The following BCOR variants were observed in gnomAD, a reference collection of about 807,000 sequenced individuals.
BCOR encodes BCL6 corepressor, also known as BCL-6 corepressor.
In BCOR, 10 loss-of-function variants were observed where a neutral mutation model predicts 86.7. The ratio of observed to expected loss-of-function variants is 0.12; its 90% CI spans 0.07 to 0.20. The LOEUF is 0.20. Among genes scored for constraint, BCOR ranks in the 10% least tolerant of loss-of-function variants. The probability of loss-of-function intolerance (pLI) is 1.00; values close to 1 mark genes in which losing one functional copy is unlikely to be tolerated. For synonymous variants in BCOR, 611 were observed against 609.0 expected, an observed-to-expected ratio of 1.00 and a Z score of -0.05; for missense variants, 1,259 against 1,452.1, an observed-to-expected ratio of 0.87 and a Z score of 2.16.
At chrX:40,161,809 A>G (rs1398899069) in intron 1 of BCOR, among the ~76,000 whole-genome samples, 5 of 112,140 alleles carry the variant, frequency 4.5e-5, no homozygotes, top group Non-Finnish European at 9.4e-5. Context: ...CACCGCGCCT[A>G]GCCCTGTTAG....
intron 1 of BCOR, among the ~76,000 whole-genome samples, chrX:40,137,109 C>T (rs751548623): frequency 8.9e-5 from 10 of 112,649 alleles, no homozygotes; most frequent in Non-Finnish European, 1.9e-4. Context: ...CAAGAGCTGT[C>T]AGAATGTTTG....
At chrX:40,106,586 A>G (rs1937191916) in intron 1 of BCOR, among the ~76,000 whole-genome samples, 1 of 101,740 alleles carries the variant, frequency 9.8e-6, no homozygotes, top group African/African-American at 3.7e-5. Flanking sequence ...CCCGCCTCGC[A>G]CTTCCTCCCG....
Position 40,062,865 on chromosome X carries a change from C to T in BCOR, c.4054G>A (p.Asp1352Asn), listed in dbSNP as rs768842901. 2.1e-5 allele frequency: 26 copies of T among 1,209,868 alleles called. No homozygotes were observed. The highest frequency in any genetic ancestry group is 2.3e-4 in the Middle Eastern group (1 of 4,375). Reference sequence around the variant, plus strand: ...TTCCCGGATGGCTTCTCGCTGTTGTCGGTGTATTTCTGCAGCAGGGAGGCA... The same window carrying T: ...TTCCCGGATGGCTTCTCGCTGTTGTTGGTGTATTTCTGCAGCAGGGAGGCA... ...QAASLLQKYTDNSEKPSGKRL... is the reference protein window; with the variant it reads ...QAASLLQKYTNNSEKPSGKRL... Residue 1352 changes from aspartate (D) to asparagine (N), a missense_variant, in exon 9 of 15, where the codon GAC becomes AAC. Physicochemically the swap from Asp to Asn is conservative, Grantham distance 23. Transcript: ENST00000378444.
chrX:40,128,779 G>A (rs1937573162), intron 1 of BCOR, among the ~76,000 whole-genome samples: 1 of 111,335 alleles, frequency 9.0e-6, no homozygotes, highest in African/African-American at 3.3e-5. Context: ...ATGTTGCCCA[G>A]GCTGGTGTCA....
intron 1 of BCOR, among the ~76,000 whole-genome samples, chrX:40,125,422 C>T (rs4827035): frequency 0.21 from 22,861 of 110,774 alleles, 2,245 homozygotes; most frequent in Non-Finnish European, 0.31. Context: ...TTACTAGAGA[C>T]GGGGTTTCAC....
intron 1 of BCOR, among the ~76,000 whole-genome samples, chrX:40,103,330 C>T (rs987721148): frequency 7.2e-5 from 8 of 111,149 alleles, no homozygotes; most frequent in East Asian, 2.8e-4. Context: ...TTTGCAGACA[C>T]TCGCATATAT....
chrX:40,085,677 A>G (rs1224821907), intron 1 of BCOR, among the ~76,000 whole-genome samples: 1 of 111,846 alleles, frequency 8.9e-6, no homozygotes, highest in Non-Finnish European at 1.9e-5. Flanking sequence ...GCCCTAAATG[A>G]TCTTCCAAAA....
chrX:40,119,339 C>T (rs1471908812), intron 1 of BCOR, among the ~76,000 whole-genome samples: 1 of 105,774 alleles, frequency 9.5e-6, no homozygotes, highest in African/African-American at 3.5e-5. Context: ...TTGCCTATGT[C>T]AAGTTTTAAA....
At chrX:40,154,096 G>A (rs1477782864) in intron 1 of BCOR, among the ~76,000 whole-genome samples, 1 of 111,324 alleles carries the variant, frequency 9.0e-6, no homozygotes, top group Admixed American at 9.4e-5. Context: ...CCGAGCGTTC[G>A]CTGGCTGCTC....
At chrX:40,153,019 C>T (rs1938203085) in intron 1 of BCOR, among the ~76,000 whole-genome samples, 1 of 112,842 alleles carries the variant, frequency 8.9e-6, no homozygotes, top group African/African-American at 3.2e-5. Flanking sequence ...AGGTGCCGCG[C>T]GAGTTCCAGC....
At chrX:40,077,804 G>A (rs759606764) in intron 2 of BCOR, 40 bp downstream of exon 2, 29 of 1,148,093 alleles carry the variant, frequency 2.5e-5, no homozygotes, top group Middle Eastern at 2.4e-4. Flanking sequence ...CAGCATGGGC[G>A]TGGGCTCCAC....
intron 1 of BCOR, among the ~76,000 whole-genome samples, chrX:40,107,343 A>G (rs1937209630): frequency 9.0e-6 from 1 of 110,643 alleles, no homozygotes; most frequent in South Asian, 3.8e-4. Context: ...GGGGGACGCA[A>G]GGGCCAGGTC....
intron 1 of BCOR, among the ~76,000 whole-genome samples, chrX:40,091,733 G>A (rs1409157304): frequency 2.6e-5 from 3 of 113,418 alleles, no homozygotes; most frequent in African/African-American, 9.6e-5. Context: ...CGGCTGGGGG[G>A]AGACCATTTA....
In BCOR at chrX:40,052,302, A is replaced by T; in HGVS notation, c.5075T>A (p.Ile1692Asn). The T allele has an allele frequency of 8.2e-7, 1 of 1,212,264 alleles. No homozygotes were observed. The highest frequency in any genetic ancestry group is 1.1e-6 in the Non-Finnish European group (1 of 895,546). ...CTGCCGATAAAATTCTGCCTCTGCA[A>T]TGGTGACAATTTCCACGTTTGGAAA... Reference protein sequence around the residue: ...CNFPNVEIVTIAEAEFYRQVS... With the variant: ...CNFPNVEIVTNAEAEFYRQVS... The change falls in exon 15 of 15, where the codon ATT becomes AAT. Residue 1692 changes from isoleucine (I) to asparagine (N), a missense_variant. By Grantham distance (149) the Ile-to-Asn change is moderately radical. Coordinates refer to ENST00000378444, the MANE Select transcript of BCOR (RefSeq NM_001123385.2).
chrX:40,153,623 T>C (rs1293368108), intron 1 of BCOR, among the ~76,000 whole-genome samples: 1 of 111,446 alleles, frequency 9.0e-6, no homozygotes, highest in African/African-American at 3.3e-5. Flanking sequence ...CCCTTTCCCC[T>C]GGGCTCGCTG....
chrX:40,060,431 C>G (rs956238810), intron 10 of BCOR, among the ~76,000 whole-genome samples: 1 of 112,441 alleles, frequency 8.9e-6, no homozygotes, highest in Admixed American at 9.4e-5. Context: ...AGGAAAACCA[C>G]CAGAATGGAA....
intron 1 of BCOR, among the ~76,000 whole-genome samples, chrX:40,111,053 G>C (rs1233617692): frequency 9.0e-6 from 1 of 110,953 alleles, no homozygotes; most frequent in Non-Finnish European, 1.9e-5. Context: ...GCCAATTTGT[G>C]AAACAGCACA....
chrX:40,161,232 C>T (rs1297922334), intron 1 of BCOR, among the ~76,000 whole-genome samples: 2 of 102,729 alleles, frequency 1.9e-5, no homozygotes, highest in African/African-American at 3.6e-5. Context: ...TTTGAGACGT[C>T]GTCTCACTCT....
chrX:40,071,436 G>A (rs1329681730), intron 5 of BCOR, among the ~76,000 whole-genome samples: 1 of 111,841 alleles, frequency 8.9e-6, no homozygotes, highest in African/African-American at 3.2e-5. Context: ...CATACAGACA[G>A]ACATTCTCTT....
Sources: gnomAD v4.1 joint callset for allele counts (sites outside exome capture counted in the v4.1 genomes callset) on GRCh38, gnomAD v4.1.1 for gene constraint, MANE v1.5 for transcripts, NCBI Gene and HGNC (gene_info 2026-07-23, HGNC 2026-07-21) for gene names.